The following KCNQ3 variants were observed in gnomAD, a reference collection of about 807,000 sequenced individuals.
KCNQ3 encodes potassium voltage-gated channel subfamily KQT member 3.
A neutral mutation model predicts 92.5 loss-of-function variants in KCNQ3; 30 were observed. The ratio of observed to expected loss-of-function variants is 0.32; its 90% CI spans 0.24 to 0.44. The LOEUF is 0.44. Ranked by LOEUF, KCNQ3 falls within the 20% of genes least tolerant of loss-of-function variation. The pLI is 1.00. For missense variants in KCNQ3, 913 were observed against 1,140.3 expected (o/e 0.80, Z 2.87); for synonymous variants, 450 against 468.8 (o/e 0.96, Z 0.52).
At chr8:132,181,175 T>C (rs1826757562) in intron 3 of KCNQ3, among the ~76,000 whole-genome samples, 1 of 152,200 alleles carries the variant, frequency 6.6e-6, no homozygotes, top group African/African-American at 2.4e-5. Flanking sequence ...GAGACACTTC[T>C]GAGATGGTTA....
chr8:132,328,479 G>A (rs911591788), intron 1 of KCNQ3, among the ~76,000 whole-genome samples: 53 of 152,140 alleles, frequency 3.5e-4, no homozygotes, highest in African/African-American at 1.2e-3. Flanking sequence ...AGTTCCACCT[G>A]ACACTGACTC....
At chr8:132,236,554 T>C (rs1030808334) in intron 1 of KCNQ3, among the ~76,000 whole-genome samples, 1 of 152,202 alleles carries the variant, frequency 6.6e-6, no homozygotes, top group East Asian at 1.9e-4. Flanking sequence ...CCAAGTCTCA[T>C]GCTCGGAAGT....
intron 1 of KCNQ3, among the ~76,000 whole-genome samples, chr8:132,280,298 G>T (rs1306408651): frequency 6.6e-6 from 1 of 152,156 alleles, no homozygotes; most frequent in Non-Finnish European, 1.5e-5. Flanking sequence ...AAGAAAAGAG[G>T]TTTAATTAGC....
chr8:132,208,577 G>T (rs1430407048), intron 1 of KCNQ3, among the ~76,000 whole-genome samples: 1 of 152,078 alleles, frequency 6.6e-6, no homozygotes, highest in Non-Finnish European at 1.5e-5. Flanking sequence ...GTAAGAACAG[G>T]CTGCATATGT....
At chr8:132,345,420 C>G (rs1305477729) in intron 1 of KCNQ3, among the ~76,000 whole-genome samples, 3 of 152,214 alleles carry the variant, frequency 2.0e-5, no homozygotes, top group African/African-American at 7.2e-5. Flanking sequence ...CTACTCCGTG[C>G]AAGGCCTGCA....
chr8:132,457,441 C>T (rs1362007006), intron 1 of KCNQ3, among the ~76,000 whole-genome samples: 2 of 152,212 alleles, frequency 1.3e-5, no homozygotes, highest in Non-Finnish European at 2.9e-5. Flanking sequence ...GCTACCCCAA[C>T]CCTCCCACTT....
intron 1 of KCNQ3, among the ~76,000 whole-genome samples, chr8:132,348,433 G>T (rs1432341776): frequency 3.3e-5 from 5 of 152,182 alleles, no homozygotes; most frequent in African/African-American, 1.2e-4. Context: ...TTTCTCTGCT[G>T]CATGGGAAAT....
intron 1 of KCNQ3, among the ~76,000 whole-genome samples, chr8:132,349,858 C>T (rs1818806359): frequency 6.6e-6 from 1 of 152,236 alleles, no homozygotes; most frequent in African/African-American, 2.4e-5. Flanking sequence ...CAATTGGGGA[C>T]AGCTTGTTAC....
rs535639092 is a variant in KCNQ3 at position 132,121,837 on chromosome 8, T to A, written c.*7425A>T. On this transcript the variant is annotated 3_prime_UTR_variant, in exon 15 of 15. Coordinates refer to ENST00000388996, the MANE Select transcript of KCNQ3 (RefSeq NM_004519.4). ...GAGAACAAGGGGCACTTGTGGATGA[T>A]CTGCAGCCACACCAAGCCCCGAGAG... The A allele has an allele frequency of 6.6e-6, 1 of 152,300 alleles. No homozygotes were observed. The highest frequency in any genetic ancestry group is 1.5e-5 in the Non-Finnish European group (1 of 68,034). The allele number at this position is 152,300 out of a possible 1,614,324, so 9.4% of individuals were successfully genotyped here.
At chr8:132,454,044 AC>A (rs145111655) in intron 1 of KCNQ3, among the ~76,000 whole-genome samples, 3,775 of 152,326 alleles carry the variant, frequency 0.025, 166 homozygotes, top group African/African-American at 0.086. Context: ...CATGCCTGGC[AC>A]CGTCGATTAA....
At chr8:132,374,743 A>G (rs963815906) in intron 1 of KCNQ3, among the ~76,000 whole-genome samples, 1 of 151,964 alleles carries the variant, frequency 6.6e-6, no homozygotes, top group African/African-American at 2.4e-5. Context: ...TTTTCTCATC[A>G]TTTAGCTCCA....
intron 9 of KCNQ3, among the ~76,000 whole-genome samples, chr8:132,157,038 C>T (rs895931851): frequency 6.6e-6 from 1 of 152,156 alleles, no homozygotes; most frequent in Non-Finnish European, 1.5e-5. Flanking sequence ...GGAGCATGGG[C>T]AGGCAACATT....
intron 9 of KCNQ3, among the ~76,000 whole-genome samples, chr8:132,161,356 C>A (rs896552803): frequency 6.6e-6 from 1 of 152,120 alleles, no homozygotes; most frequent in Admixed American, 6.5e-5. Flanking sequence ...GGGCTGGGCC[C>A]GGTGGCTCAT....
intron 9 of KCNQ3, among the ~76,000 whole-genome samples, chr8:132,147,196 C>T (rs1825476871): frequency 6.6e-6 from 1 of 152,124 alleles, no homozygotes. Flanking sequence ...AAGACTAGAA[C>T]TTTGACATCA....
intron 1 of KCNQ3, among the ~76,000 whole-genome samples, chr8:132,424,429 G>A (rs573273983): frequency 4.1e-4 from 63 of 152,130 alleles, no homozygotes; most frequent in Admixed American, 2.7e-3. Context: ...CCTCTCATTC[G>A]ACAGATGAGG....
chr8:132,187,714 G>A (rs1453949864), intron 1 of KCNQ3, among the ~76,000 whole-genome samples: 3 of 145,276 alleles, frequency 2.1e-5, no homozygotes, highest in African/African-American at 5.2e-5. Context: ...GGTGGTGGTG[G>A]TGGTGATGGT....
At chr8:132,154,424 G>A (rs1825744570) in intron 9 of KCNQ3, among the ~76,000 whole-genome samples, 1 of 151,976 alleles carries the variant, frequency 6.6e-6, no homozygotes, top group Admixed American at 6.6e-5. Flanking sequence ...GGAACCCTTG[G>A]ATAGGCCCCT....
intron 1 of KCNQ3, among the ~76,000 whole-genome samples, chr8:132,244,290 G>A (rs1266261788): frequency 6.6e-6 from 1 of 150,812 alleles, no homozygotes; most frequent in African/African-American, 2.4e-5. Flanking sequence ...ATAAATAGAA[G>A]GAAATTATAA....
At chr8:132,403,223 G>GA (rs1368379325) in intron 1 of KCNQ3, among the ~76,000 whole-genome samples, 6 of 108,872 alleles carry the variant, frequency 5.5e-5, no homozygotes, top group African/African-American at 2.2e-4. Context: ...CCCAAGGCAA[G>GA]AAAACGCCCA....
Sources: allele counts gnomAD v4.1 joint callset (sites outside exome capture counted in the v4.1 genomes callset), GRCh38; gene constraint gnomAD v4.1.1; transcripts MANE v1.5; gene names NCBI Gene and HGNC (gene_info 2026-07-23, HGNC 2026-07-21).